UBASH3B: variants seen among roughly 807,000 people sequenced by gnomAD.
The protein encoded by UBASH3B is ubiquitin-associated and SH3 domain-containing protein B.
Under a neutral mutation model 83.4 loss-of-function variants are expected in UBASH3B, and 37 were observed. The ratio of observed to expected loss-of-function variants is 0.44; its 90% CI spans 0.34 to 0.58. The LOEUF is 0.58. Ranked by LOEUF, UBASH3B falls within the 20% of genes least tolerant of loss-of-function variation. The probability of loss-of-function intolerance (pLI) is 0.01; values close to 1 mark genes in which losing one functional copy is unlikely to be tolerated. For synonymous variants in UBASH3B, 304 were observed against 318.3 expected (o/e 0.96, Z 0.48); for missense variants, 657 against 827.2 (o/e 0.79, Z 2.52).
At chr11:122,756,621 G>A (rs1591800252) in intron 1 of UBASH3B, among the ~76,000 whole-genome samples, 1 of 152,168 alleles carries the variant, frequency 6.6e-6, no homozygotes, top group Non-Finnish European at 1.5e-5. Flanking sequence ...GGCCCTAGGG[G>A]CAGCCACTGT....
intron 1 of UBASH3B, among the ~76,000 whole-genome samples, chr11:122,667,880 C>G (rs983653058): frequency 6.6e-6 from 1 of 152,198 alleles, no homozygotes; most frequent in Non-Finnish European, 1.5e-5. Flanking sequence ...CACGGCTAGT[C>G]TGTGATAGAA....
At chr11:122,712,582 C>A (rs1439634976) in intron 1 of UBASH3B, among the ~76,000 whole-genome samples, 1 of 152,070 alleles carries the variant, frequency 6.6e-6, no homozygotes, top group African/African-American at 2.4e-5. Context: ...TGTTGAGCAC[C>A]AGGAGGGTCA....
chr11:122,795,551 C>G (rs886868953), intron 7 of UBASH3B, among the ~76,000 whole-genome samples: 3 of 152,194 alleles, frequency 2.0e-5, no homozygotes, highest in Non-Finnish European at 2.9e-5. Flanking sequence ...TTTGGACAAG[C>G]CTTTGACTAG....
rs754750646 is a variant in UBASH3B at position 122,796,319 on chromosome 11, T to C, written c.1234+43T>C. 1.6e-5 allele frequency: 25 copies of C among 1,606,614 alleles called. No homozygotes were observed. In the African/African-American group the frequency reaches 1.7e-4, roughly 11 times the overall value. On this transcript the variant is annotated intron_variant, in intron 8 of 13. Coordinates refer to ENST00000284273, the MANE Select transcript of UBASH3B (RefSeq NM_032873.5). ...CTGCTCAGCACTGCCATACCCATAG[T>C]GGCCTCTAGGCGGCACAGTCAAGCT...
chr11:122,682,159 C>A (rs1041096989), intron 1 of UBASH3B, among the ~76,000 whole-genome samples: 10 of 152,156 alleles, frequency 6.6e-5, no homozygotes, highest in African/African-American at 2.4e-4. Flanking sequence ...GCCAACCCTG[C>A]CGACGCACCA....
chr11:122,803,016 T>C (rs966341807), intron 11 of UBASH3B, among the ~76,000 whole-genome samples: 1 of 152,148 alleles, frequency 6.6e-6, no homozygotes, highest in Non-Finnish European at 1.5e-5. Flanking sequence ...TCGTCCTACC[T>C]GAGCCTGTCA....
intron 1 of UBASH3B, among the ~76,000 whole-genome samples, chr11:122,691,833 G>T (rs1216244046): frequency 6.6e-6 from 1 of 152,172 alleles, no homozygotes; most frequent in Non-Finnish European, 1.5e-5. Flanking sequence ...TTGTGACGGG[G>T]TTCTGTGTTT....
At chr11:122,790,565 T>C (rs1249774241) in intron 6 of UBASH3B, among the ~76,000 whole-genome samples, 1 of 152,192 alleles carries the variant, frequency 6.6e-6, no homozygotes, top group Admixed American at 6.5e-5. Flanking sequence ...ACTAAAACAT[T>C]ATTTGCCTGA....
chr11:122,742,429 C>T (rs115886231), intron 1 of UBASH3B, among the ~76,000 whole-genome samples: 2,153 of 152,244 alleles, frequency 0.014, 44 homozygotes, highest in African/African-American at 0.048. Flanking sequence ...TTATGGGTCC[C>T]GGCTGTTAAA....
At chr11:122,675,688 C>T (rs910203747) in intron 1 of UBASH3B, among the ~76,000 whole-genome samples, 5 of 152,142 alleles carry the variant, frequency 3.3e-5, no homozygotes, top group Non-Finnish European at 5.9e-5. Flanking sequence ...CCATGGCCCC[C>T]AGAGATAAAC....
chr11:122,789,611 T>G (rs1861016363), intron 6 of UBASH3B, among the ~76,000 whole-genome samples: 1 of 152,226 alleles, frequency 6.6e-6, no homozygotes, highest in Non-Finnish European at 1.5e-5. Flanking sequence ...GCGTCTTCAC[T>G]GCTTTAGGGC....
At position 122,796,161 on chromosome 11, in the gene UBASH3B, G is replaced by C; in HGVS notation, c.1119G>C (p.Leu373=). The stretch of plus-strand genomic sequence containing the variant: ...TAGCCTTTCTTTCTCTGCAGCCGCT[G>C]AGGGTCAACAGCCAGCCCGGCCCCC... The part of the protein sequence containing the change: ...LTIICQPMQP[L]RVNSQPGPQK... Residue 373 remains leucine, a synonymous_variant, in exon 8 of 14, where the codon CTG becomes CTC. Coordinates refer to ENST00000284273, the MANE Select transcript of UBASH3B (RefSeq NM_032873.5). 1.9e-6 allele frequency: 3 copies of C among 1,614,106 alleles called. No homozygotes were observed. The highest frequency in any genetic ancestry group is 2.5e-6 in the Non-Finnish European group (3 of 1,179,982).
chr11:122,720,710 C>G (rs911721687), intron 1 of UBASH3B, among the ~76,000 whole-genome samples: 2 of 152,168 alleles, frequency 1.3e-5, no homozygotes, highest in African/African-American at 4.8e-5. Context: ...CAGGAAGGCT[C>G]TTCACACAGC....
At chr11:122,746,379 T>A (rs781317693) in intron 1 of UBASH3B, among the ~76,000 whole-genome samples, 5 of 152,140 alleles carry the variant, frequency 3.3e-5, no homozygotes, top group Admixed American at 6.5e-5. Context: ...GAAGGTTGCT[T>A]CAGCGTGAAC....
intron 1 of UBASH3B, among the ~76,000 whole-genome samples, chr11:122,755,024 G>A (rs191521312): frequency 3.7e-4 from 56 of 152,252 alleles, no homozygotes; most frequent in Middle Eastern, 3.4e-3. Context: ...TAAGCTCTGC[G>A]CCAAGTCACT....
intron 7 of UBASH3B, among the ~76,000 whole-genome samples, chr11:122,795,926 G>A (rs1861146569): frequency 6.6e-6 from 1 of 152,202 alleles, no homozygotes; most frequent in South Asian, 2.1e-4. Flanking sequence ...AGCAGCCGTA[G>A]CAACAATAAT....
At chr11:122,780,251 T>C (rs1373100187) in intron 4 of UBASH3B, among the ~76,000 whole-genome samples, 1 of 152,204 alleles carries the variant, frequency 6.6e-6, no homozygotes, top group Non-Finnish European at 1.5e-5. Flanking sequence ...TGTCTAAAAA[T>C]GTAACCCCTT....
At chr11:122,669,430 T>C (rs1347977803) in intron 1 of UBASH3B, among the ~76,000 whole-genome samples, 3 of 152,204 alleles carry the variant, frequency 2.0e-5, no homozygotes, top group Admixed American at 6.5e-5. Flanking sequence ...CTAATGATTA[T>C]ATCTTCCCAG....
intron 1 of UBASH3B, among the ~76,000 whole-genome samples, chr11:122,668,316 CT>C (rs775209722): frequency 1.8e-4 from 27 of 152,172 alleles, no homozygotes; most frequent in Non-Finnish European, 3.1e-4. Context: ...GGTTTTGGCT[CT>C]GTTTTCTGGA....
Sources: allele counts gnomAD v4.1 joint callset (sites outside exome capture counted in the v4.1 genomes callset), GRCh38; gene constraint gnomAD v4.1.1; transcripts MANE v1.5; gene names NCBI Gene and HGNC (gene_info 2026-07-23, HGNC 2026-07-21).